The following DIXDC1 variants were observed in gnomAD, a reference collection of about 807,000 sequenced individuals.
The protein encoded by DIXDC1 is dixin.
In DIXDC1, 64 loss-of-function variants were observed where a neutral mutation model predicts 103.1. The observed-to-expected ratio is 0.62, with a 90% CI of 0.51 to 0.76. The LOEUF (loss-of-function observed/expected upper bound fraction) is 0.76, where lower values mean the gene tolerates loss of function less well. Ranked by LOEUF, DIXDC1 falls within the 30% of genes least tolerant of loss-of-function variation. The pLI is 0.00. For missense variants in DIXDC1, 759 were observed against 834.2 expected, an observed-to-expected ratio of 0.91 and a Z score of 1.11; for synonymous variants, 266 against 298.5, an observed-to-expected ratio of 0.89 and a Z score of 1.12.
chr11:111,996,962 C>T (rs1860921437), intron 17 of DIXDC1, among the ~76,000 whole-genome samples: 1 of 152,208 alleles, frequency 6.6e-6, no homozygotes, highest in Non-Finnish European at 1.5e-5. Context: ...TCCGTGCCCA[C>T]TCTATATTTT....
upstream of DIXDC1, among the ~76,000 whole-genome samples, chr11:111,932,548 T>G (rs587750649): frequency 8.8e-5 from 13 of 147,044 alleles, no homozygotes; most frequent in Non-Finnish European, 1.9e-4. Flanking sequence ...ATCGCTCCAC[T>G]GCACTCCAGC....
Position 111,937,475 on chromosome 11 carries a change from G to C in DIXDC1, c.-25G>C, listed in dbSNP as rs1480079023. Reference sequence around the variant, plus strand: ...CGGCGGCCGCCGGGCTGGAGACCCCGCCCGGGGAGCCCCCAGCAGGAACAA... The same window carrying C: ...CGGCGGCCGCCGGGCTGGAGACCCCCCCCGGGGAGCCCCCAGCAGGAACAA... On this transcript the variant is annotated 5_prime_UTR_variant, in exon 1 of 20. Transcript: ENST00000440460. 6.4e-7 allele frequency: 1 copy of C among 1,567,496 alleles called. No individual in the cohort carries two copies. Among genetic ancestry groups the C allele is most frequent in the Admixed American group, 1.9e-5 (1 of 52,804 alleles).
At position 112,003,935 on chromosome 11, in the gene DIXDC1, T is replaced by G. The variant is rs1861145672; in HGVS notation, c.1756+7789T>G. Among the ~76,000 whole-genome samples the G allele has an allele frequency of 2.0e-5, 3 of 150,690 alleles. No homozygotes were observed. In the South Asian group the frequency reaches 6.3e-4, roughly 31 times the overall value. Reference sequence around the variant, plus strand: ...GGCTTATGCCTGTAATCTCAACTACTTGGGAGGCTGATGTGGGAGTATTAC... The same window carrying G: ...GGCTTATGCCTGTAATCTCAACTACGTGGGAGGCTGATGTGGGAGTATTAC... On this transcript the variant is annotated intron_variant, in intron 17 of 19. Transcript: ENST00000440460.
chr11:111,981,316 C>T (rs966103576), intron 6 of DIXDC1, among the ~76,000 whole-genome samples: 1 of 152,154 alleles, frequency 6.6e-6, no homozygotes, highest in Admixed American at 6.5e-5. Context: ...AAAGAGTTCC[C>T]TTTGTTTAGA....
rs1859433841 is a variant in DIXDC1, at chr11:111,957,669, A to G, written c.61-6880A>G. ...CAACATAACTGGCCAGCACTCTTCA[A>G]AATTGTCAAGGTCATGAAAGACAAA... On this transcript the variant is annotated intron_variant, in intron 1 of 19. Transcript: ENST00000440460. Among the ~76,000 whole-genome samples the G allele has an allele frequency of 3.9e-5, 6 of 152,382 alleles. No homozygotes were observed. The South Asian group carries it at 1.2e-3, about 32-fold the overall frequency.
intron 3 of DIXDC1, 114 bp downstream of exon 3, chr11:111,968,752 A>ATTTTATT: frequency 2.5e-6 from 3 of 1,189,634 alleles, no homozygotes; most frequent in Non-Finnish European, 3.3e-6. Flanking sequence ...CATTCATTTT[A>ATTTTATT]TTTTATTTTT....
At chr11:112,012,230 G>A (rs587608756) in intron 17 of DIXDC1, among the ~76,000 whole-genome samples, 1 of 152,262 alleles carries the variant, frequency 6.6e-6, no homozygotes, top group Admixed American at 6.5e-5. Context: ...GAAAGAATAA[G>A]GGGACTAGAA....
intron 6 of DIXDC1, among the ~76,000 whole-genome samples, chr11:111,981,151 CTT>C (rs1374028455): frequency 6.6e-6 from 1 of 151,946 alleles, no homozygotes; most frequent in Non-Finnish European, 1.5e-5. Flanking sequence ...CAAGTAAACA[CTT>C]TTATTATTCC....
At position 111,982,494 on chromosome 11, in the gene DIXDC1, C is replaced by A. The variant is rs1860344059; in HGVS notation, c.918+7C>A. 1.2e-6 allele frequency: 2 copies of A among 1,611,990 alleles called. No individual in the cohort carries two copies. Among genetic ancestry groups the A allele is most frequent in the Non-Finnish European group, 1.7e-6 (2 of 1,179,138 alleles). ...AATGATATCAGGACTACAGGTAGCT[C>A]TCTCCCTTGTAGTTTGCCCTTGTTA... On this transcript the variant is annotated splice_region_variant and intron_variant, in intron 7 of 19. Transcript: ENST00000440460.
At chr11:111,950,442 T>G (rs11214052) in intron 1 of DIXDC1, among the ~76,000 whole-genome samples, 1 of 12,768 alleles carries the variant, frequency 7.8e-5, no homozygotes, top group African/African-American at 3.8e-4. Flanking sequence ...ATATATATTT[T>G]TTTTTTTTTT....
Position 111,998,691 on chromosome 11 carries a change from G to A in DIXDC1, c.1756+2545G>A, listed in dbSNP as rs1436990535. On this transcript the variant is annotated intron_variant, in intron 17 of 19. Coordinates refer to ENST00000440460, the MANE Select transcript of DIXDC1 (RefSeq NM_001037954.4). The surrounding 1 kb of genome is among the most constrained non-coding windows in gnomAD (Gnocchi z 4.1). ...CCTGATTACAGGCGCCCGCCACCAC[G>A]CCCGGCTAATTTTTTGTATTTTAGT... Among the ~76,000 whole-genome samples, 3 of 151,892 alleles carry A rather than the reference G, an allele frequency of 2.0e-5. No individual in the cohort carries two copies. Among genetic ancestry groups the A allele is most frequent in the Non-Finnish European group, 4.4e-5 (3 of 67,976 alleles).
Position 111,995,518 on chromosome 11 carries a change from T to C in DIXDC1, c.1643T>C (p.Met548Thr), listed in dbSNP as rs782181199. 1.2e-6 allele frequency: 2 copies of C among 1,613,886 alleles called. No individual in the cohort carries two copies. The highest frequency in any genetic ancestry group is 2.2e-5 in the East Asian group (1 of 44,900). Reference protein sequence around the residue: ...DSLEQGISSLMERLHVMETQK... With the variant: ...DSLEQGISSLTERLHVMETQK... ...TTGGAGCAGGGCATTTCTAGCCTCA[T>C]GGAGCGCCTGCATGTTATGGAGACG... Residue 548 changes from methionine to threonine, a missense_variant, in exon 16 of 20, where the codon ATG (methionine) becomes ACG (threonine). Physicochemically the swap from Met to Thr is moderately conservative, Grantham distance 81. Transcript: ENST00000440460.
intron 5 of DIXDC1, among the ~76,000 whole-genome samples, chr11:111,978,707 C>T (rs1860200200): frequency 6.6e-6 from 1 of 152,208 alleles, no homozygotes; most frequent in Non-Finnish European, 1.5e-5. Context: ...GATTTTGTCT[C>T]ACACTTACCA....
intron 10 of DIXDC1, 142 bp downstream of exon 10, chr11:111,989,197 G>A (rs1860606850): frequency 1.6e-6 from 1 of 627,602 alleles, no homozygotes; most frequent in Admixed American, 3.3e-5. Flanking sequence ...TGGGAGGGAA[G>A]TGAGACATGT....
At chr11:111,980,653 C>G in intron 5 of DIXDC1, 84 bp from the exon 6 acceptor site, 2 of 1,083,008 alleles carry the variant, frequency 1.8e-6, no homozygotes, top group Non-Finnish European at 2.7e-6. Flanking sequence ...GAACATGTCC[C>G]TGTTCTCAGG....
Position 111,998,470 on chromosome 11 carries a change from A to G in DIXDC1, c.1756+2324A>G, listed in dbSNP as rs1433904184. Among the ~76,000 whole-genome samples the G allele has an allele frequency of 1.3e-5, 2 of 152,084 alleles. No homozygotes were observed. The highest frequency in any genetic ancestry group is 2.9e-5 in the Non-Finnish European group (2 of 68,024). On this transcript the variant is annotated intron_variant, in intron 17 of 19. Coordinates refer to ENST00000440460, the MANE Select transcript of DIXDC1 (RefSeq NM_001037954.4). The surrounding 1 kb of genome is among the most constrained non-coding windows in gnomAD (Gnocchi z 4.1). ...CTTCCACTCCCCTGGCTTTAACTACACTTGTGTGCCGATAATTTTTATGTT... is the reference window on the plus strand; with the variant it reads ...CTTCCACTCCCCTGGCTTTAACTACGCTTGTGTGCCGATAATTTTTATGTT...
intron 17 of DIXDC1, among the ~76,000 whole-genome samples, chr11:112,002,605 A>G (rs1861105196): frequency 6.6e-6 from 1 of 152,142 alleles, no homozygotes; most frequent in South Asian, 2.1e-4. Flanking sequence ...AGCCTGGGCA[A>G]CAGAGCAAGA....
intron 1 of DIXDC1, among the ~76,000 whole-genome samples, chr11:111,948,493 A>C (rs1966673370): frequency 6.6e-6 from 1 of 151,882 alleles, no homozygotes; most frequent in East Asian, 1.9e-4. Context: ...GTCCTAGATT[A>C]GCCCATCCTT....
chr11:111,996,834 A>G (rs893362298), intron 17 of DIXDC1, among the ~76,000 whole-genome samples: 5 of 152,210 alleles, frequency 3.3e-5, no homozygotes, highest in Non-Finnish European at 7.3e-5. Context: ...TGGGTGACAG[A>G]GTAAGACTCC....
Sources: allele counts gnomAD v4.1 joint callset (sites outside exome capture counted in the v4.1 genomes callset), GRCh38; gene constraint gnomAD v4.1.1; non-coding constraint Gnocchi (gnomAD v3.1); transcripts MANE v1.5; gene names NCBI Gene and HGNC (gene_info 2026-07-23, HGNC 2026-07-21).